Variants in RBM17 observed in about 807,000 individuals in gnomAD.
The protein encoded by RBM17 is RNA binding motif protein 17, also known as splicing factor 45.
A neutral mutation model predicts 53.2 loss-of-function variants in RBM17; 7 were observed. The ratio of observed to expected loss-of-function variants is 0.13; its 90% CI spans 0.07 to 0.25. The LOEUF is 0.25. RBM17 is among the 10% of genes least tolerant of loss of function. The pLI, the probability that RBM17 is intolerant of heterozygous loss-of-function variation, is 1.00. For missense variants in RBM17, 257 were observed against 496.7 expected (o/e 0.52, Z 4.59); for synonymous variants, 167 against 178.1 (o/e 0.94, Z 0.50).
intron 2 of RBM17, among the ~76,000 whole-genome samples, chr10:6,097,495 C>T (rs1163344501): frequency 6.6e-6 from 1 of 152,134 alleles, no homozygotes; most frequent in Non-Finnish European, 1.5e-5. Context: ...TCAGGAGATC[C>T]AGACCATCCT....
chr10:6,109,286 A>G (rs1358465378), intron 6 of RBM17, among the ~76,000 whole-genome samples: 1 of 152,172 alleles, frequency 6.6e-6, no homozygotes, highest in Non-Finnish European at 1.5e-5. Context: ...TCATTTTCCC[A>G]TTCTCTGGAT....
intron 2 of RBM17, among the ~76,000 whole-genome samples, chr10:6,098,795 G>T (rs772989889): frequency 6.6e-6 from 1 of 152,120 alleles, no homozygotes; most frequent in Non-Finnish European, 1.5e-5. Context: ...TGATCCGCCT[G>T]CCTTGGTCTC....
At chr10:6,090,730 G>T (rs1190436090) in intron 1 of RBM17, among the ~76,000 whole-genome samples, 1 of 151,996 alleles carries the variant, frequency 6.6e-6, no homozygotes, top group African/African-American at 2.4e-5. Flanking sequence ...TCTGTTATTC[G>T]CCTAAATTAC....
At chr10:6,100,018 C>G (rs971527419) in intron 2 of RBM17, among the ~76,000 whole-genome samples, 1 of 151,976 alleles carries the variant, frequency 6.6e-6, no homozygotes, top group Non-Finnish European at 1.5e-5. Flanking sequence ...AGATCGAACT[C>G]CAGCCTGGTG....
At chr10:6,095,058 T>A (rs1840551848) in intron 1 of RBM17, among the ~76,000 whole-genome samples, 1 of 152,226 alleles carries the variant, frequency 6.6e-6, no homozygotes, top group Non-Finnish European at 1.5e-5. Context: ...TTCATCCATA[T>A]TTCTTAAGGA....
In RBM17 at chr10:6,104,955, G is replaced by A; in HGVS notation, c.265G>A (p.Ala89Thr). Residue 89 changes from alanine to threonine, a missense_variant, in exon 4 of 12, where the codon GCA (alanine) becomes ACA (threonine). Ala to Thr is a moderately conservative substitution (Grantham distance 58, BLOSUM62 0). Around this residue, in one of 6 missense-constraint regions of RBM17, gnomAD observed 127 missense variants for 217.2 expected, o/e 0.58. Coordinates refer to ENST00000379888, the MANE Select transcript of RBM17 (RefSeq NM_032905.5). ...LKDPVPSGFS[A>T]GEVLIPLADE... ...GGATCCTGTTCCCAGTGGGTTTTCT[G>A]CAGGGGAAGTTCTGATTCCCTTAGC... The A allele has an allele frequency of 6.2e-7, 1 of 1,613,896 alleles. No homozygotes were observed. The highest frequency in any genetic ancestry group is 1.7e-5 in the Admixed American group (1 of 60,008).
chr10:6,099,757 A>T (rs933915480), intron 2 of RBM17, among the ~76,000 whole-genome samples: 2 of 152,178 alleles, frequency 1.3e-5, no homozygotes, highest in Non-Finnish European at 1.5e-5. Context: ...AATAATAATA[A>T]TAGAAAATAT....
intron 10 of RBM17, 142 bp from the exon 11 acceptor site, chr10:6,115,097 A>G (rs1248987368): frequency 3.5e-5 from 24 of 677,616 alleles, no homozygotes. Flanking sequence ...AACAAATTAT[A>G]CTTATTTCCT....
At chr10:6,091,564 A>G (rs1274196568) in intron 1 of RBM17, among the ~76,000 whole-genome samples, 1 of 152,196 alleles carries the variant, frequency 6.6e-6, no homozygotes, top group African/African-American at 2.4e-5. Context: ...TACTTATCAT[A>G]AGTTATGTGC....
rs199584750 is a variant in RBM17 at position 6,112,348 on chromosome 10, C to T, written c.843C>T (p.Asp281=). 8.7e-6 allele frequency: 14 copies of T among 1,613,834 alleles called. No homozygotes were observed. The highest frequency in any genetic ancestry group is 6.7e-5 in the Admixed American group (4 of 60,002). Residue 281 remains aspartate, a synonymous_variant, in exon 8 of 12, where the codon GAC becomes GAT. Transcript: ENST00000379888. The surrounding 1 kb of genome is among the most constrained non-coding windows in gnomAD (Gnocchi z 4.4). ...GTGGCGGCAAGATCATCGTGGGCGA[C>T]GCCACAGAGAAAGGTGTGTCCCCAG... ...SKRGGKIIVG[D]ATEKDASKKS... is the part of the protein sequence containing the mutation.
In RBM17 at chr10:6,112,117, T is replaced by C. The variant is rs1212498443; in HGVS notation, c.705-93T>C. On this transcript the variant is annotated intron_variant, in intron 7 of 11. Transcript: ENST00000379888. This position sits in a 1 kb window ranked among gnomAD's most constrained non-coding sequence, Gnocchi z 4.4. Reference sequence around the variant, plus strand: ...TGAAGCCCCTGTGGAGCATGCACTCTCTCCAGAAGGAGGTTGTTGTGATGG... The same window carrying C: ...TGAAGCCCCTGTGGAGCATGCACTCCCTCCAGAAGGAGGTTGTTGTGATGG... 4.5e-6 allele frequency: 6 copies of C among 1,332,186 alleles called. No individual in the cohort carries two copies. The Admixed American group carries it at 1.1e-4, about 25-fold the overall frequency. The allele number at this position is 1,332,186 out of a possible 1,614,324, so 82.5% of individuals were successfully genotyped here. A position where few individuals can be genotyped will look rare whatever the true frequency, so the allele number is the denominator to read the frequency against.
Position 6,108,668 on chromosome 10 carries a change from G to A in RBM17, c.506-18G>A, listed in dbSNP as rs1303750555. ...GCATCGGAAACCTCCTTTAATGCTTGGATTTGTGGTTTTGCAGGTATGGGC... is the reference window on the plus strand; with the variant it reads ...GCATCGGAAACCTCCTTTAATGCTTAGATTTGTGGTTTTGCAGGTATGGGC... On this transcript the variant is annotated intron_variant, in intron 5 of 11. Transcript: ENST00000379888. The A allele has an allele frequency of 5.0e-6, 8 of 1,608,572 alleles. No individual in the cohort carries two copies. The highest frequency in any genetic ancestry group is 6.8e-6 in the Non-Finnish European group (8 of 1,176,722).
chr10:6,113,723 T>C (rs1840872209), intron 9 of RBM17, 142 bp downstream of exon 9: 1 of 650,758 alleles, frequency 1.5e-6, no homozygotes, highest in Non-Finnish European at 2.7e-6. Flanking sequence ...TAAGGCTGAT[T>C]TTAGATTTTT....
chr10:6,114,226 G>A (rs1840880787), intron 10 of RBM17, 79 bp downstream of exon 10: 1 of 810,674 alleles, frequency 1.2e-6, no homozygotes, highest in Non-Finnish European at 2.1e-6. Context: ...AACAGGACAG[G>A]GTATGCTATA....
At position 6,114,052 on chromosome 10, in the gene RBM17, ATGGT is replaced by A; in HGVS notation, c.939_942del (p.Gly314ArgfsTer26). ...TTGTTTATTTTTGTGTTTAAAGAAC[ATGGT>A]TGGTGCGGGAGAGGTGGATGAAGAC... On this transcript the variant is annotated frameshift_variant, in exon 10 of 12. Transcript: ENST00000379888. LOFTEE classifies it high-confidence loss of function. 1 of 1,609,398 alleles carries A rather than the reference ATGGT, an allele frequency of 6.2e-7. No homozygotes were observed. Among genetic ancestry groups the A allele is most frequent in the Non-Finnish European group, 8.5e-7 (1 of 1,176,166 alleles).
chr10:6,104,909 C>T (rs1459970151), intron 3 of RBM17, 22 bp from the exon 4 acceptor site: 1 of 1,608,098 alleles, frequency 6.2e-7, no homozygotes, highest in Middle Eastern at 1.7e-4. Flanking sequence ...AGGATTCTTA[C>T]TGCTGTTTTT....
Position 6,104,970 on chromosome 10 carries a change from A to T in RBM17, c.280A>T (p.Ile94Phe). The change falls in exon 4 of 12, where the codon ATT (isoleucine) becomes TTT (phenylalanine). Residue 94 changes from isoleucine (I) to phenylalanine (F), a missense_variant. Around this residue, in one of 6 missense-constraint regions of RBM17, gnomAD observed 127 missense variants for 217.2 expected, o/e 0.58. Transcript: ENST00000379888. The stretch of plus-strand genomic sequence containing the variant: ...TGGGTTTTCTGCAGGGGAAGTTCTG[A>T]TTCCCTTAGCTGACGAATATGACCC... ...PSGFSAGEVL[I>F]PLADEYDPMF... The T allele has an allele frequency of 1.9e-6, 3 of 1,613,992 alleles. No individual in the cohort carries two copies. Among genetic ancestry groups the T allele is most frequent in the Non-Finnish European group, 2.5e-6 (3 of 1,179,890 alleles).
intron 1 of RBM17, among the ~76,000 whole-genome samples, chr10:6,090,858 A>AG (rs1234813099): frequency 3.4e-5 from 5 of 146,216 alleles, no homozygotes; most frequent in African/African-American, 1.0e-4. Flanking sequence ...GGTATGGGAA[A>AG]AATTTTTTTT....
Position 6,097,195 on chromosome 10 carries a change from A to G in RBM17, c.123+7A>G. 1 of 1,613,854 alleles carries G rather than the reference A, an allele frequency of 6.2e-7. No individual in the cohort carries two copies. The highest frequency in any genetic ancestry group is 1.7e-4 in the Middle Eastern group (1 of 6,060). On this transcript the variant is annotated splice_region_variant and intron_variant, in intron 2 of 11. Transcript: ENST00000379888. The stretch of plus-strand genomic sequence containing the variant: ...AGCTCTCACTCAGGCAAAGGTAAAG[A>G]CAAGCCCAGAGCATGAGAGCAGAGG...
Sources: allele counts gnomAD v4.1 joint callset (sites outside exome capture counted in the v4.1 genomes callset), GRCh38; gene constraint gnomAD v4.1.1; regional missense constraint gnomAD v4.1.1; non-coding constraint Gnocchi (gnomAD v3.1); transcripts MANE v1.5; gene names NCBI Gene and HGNC (gene_info 2026-07-23, HGNC 2026-07-21).